TSPAN9: variants seen among roughly 807,000 people sequenced by gnomAD.
The protein encoded by TSPAN9 is tetraspanin 9.
In TSPAN9, 16 loss-of-function variants were observed where a neutral mutation model predicts 31.0. The ratio of observed to expected loss-of-function variants is 0.52; its 90% CI spans 0.35 to 0.78. TSPAN9 has a LOEUF of 0.78. TSPAN9 is among the 30% of genes least tolerant of loss of function. TSPAN9 has a pLI of 0.01. For synonymous variants in TSPAN9, 145 were observed against 121.6 expected (o/e 1.19, Z -1.27); for missense variants, 272 against 312.5 (o/e 0.87, Z 0.98).
chr12:3,223,378 A>G (rs1354807936), intron 3 of TSPAN9, among the ~76,000 whole-genome samples: 3 of 152,134 alleles, frequency 2.0e-5, no homozygotes, highest in Non-Finnish European at 4.4e-5. Context: ...TTTGACGGGA[A>G]TGGGGCTGGG....
Position 3,209,159 on chromosome 12 carries a change from C to T in TSPAN9, c.63+7903C>T, listed in dbSNP as rs189301996. Among the ~76,000 whole-genome samples the T allele has an allele frequency of 5.2e-3, 786 of 151,450 alleles. 11 individuals carry two copies. The highest frequency in any genetic ancestry group is 0.018 in the African/African-American group (749 of 41,242). On this transcript the variant is annotated intron_variant, in intron 3 of 8. Transcript: ENST00000011898. The stretch of plus-strand genomic sequence containing the variant: ...CTGAGGCAGGAGAATCGCTTGAACC[C>T]GGGAGGTGGAGGTTGCAGTGAGCCA...
At chr12:3,160,199 A>AT (rs950508717) in intron 2 of TSPAN9, among the ~76,000 whole-genome samples, 7 of 152,040 alleles carry the variant, frequency 4.6e-5, no homozygotes, top group South Asian at 2.1e-4. Flanking sequence ...ACGGGTTTTG[A>AT]TTTTTTTGTG....
intron 2 of TSPAN9, among the ~76,000 whole-genome samples, chr12:3,165,679 A>AAGC (rs1158772662): frequency 6.6e-6 from 1 of 152,120 alleles, no homozygotes; most frequent in Non-Finnish European, 1.5e-5. Flanking sequence ...CTCTGCTTGT[A>AAGC]AGCTCTCAAG....
chr12:3,135,988 G>A (rs1298432362), intron 2 of TSPAN9, among the ~76,000 whole-genome samples: 4 of 152,164 alleles, frequency 2.6e-5, no homozygotes, highest in Non-Finnish European at 5.9e-5. Context: ...TCCAGAAGCC[G>A]AGACCCAGTG....
At chr12:3,169,239 G>T (rs1323143938) in intron 2 of TSPAN9, among the ~76,000 whole-genome samples, 1 of 152,184 alleles carries the variant, frequency 6.6e-6, no homozygotes, top group Non-Finnish European at 1.5e-5. Flanking sequence ...GGGTGGGTGT[G>T]GGCAGGTTGA....
chr12:3,086,907 C>T (rs971329912), intron 2 of TSPAN9, among the ~76,000 whole-genome samples: 3 of 152,174 alleles, frequency 2.0e-5, no homozygotes, highest in Non-Finnish European at 2.9e-5. Flanking sequence ...GGAGGCACGC[C>T]GCCTCCAATC....
intron 3 of TSPAN9, among the ~76,000 whole-genome samples, chr12:3,272,592 A>G (rs574448110): frequency 1.3e-5 from 2 of 152,018 alleles, no homozygotes; most frequent in African/African-American, 2.4e-5. Flanking sequence ...CAGCAAGTCT[A>G]CACAGAAGCC....
intron 3 of TSPAN9, among the ~76,000 whole-genome samples, chr12:3,213,808 A>G (rs1378116043): frequency 6.6e-6 from 1 of 152,048 alleles, no homozygotes; most frequent in East Asian, 1.9e-4. Context: ...CTGTCTTCCC[A>G]CCTAAATGGA....
intron 2 of TSPAN9, among the ~76,000 whole-genome samples, chr12:3,169,032 A>T (rs184483922): frequency 6.6e-6 from 1 of 152,304 alleles, no homozygotes; most frequent in African/African-American, 2.4e-5. Context: ...CCCCCTGGCA[A>T]CAGTCTGCCA....
chr12:3,184,429 GAGAGAGAAAGAA>G (rs1417548473), intron 2 of TSPAN9, among the ~76,000 whole-genome samples: 1 of 151,722 alleles, frequency 6.6e-6, no homozygotes, highest in South Asian at 2.1e-4. Flanking sequence ...GAGAAAGAGA[GAGAGAGAAAGAA>G]AGAGAGAAAG....
At chr12:3,229,915 G>A (rs1004117628) in intron 3 of TSPAN9, among the ~76,000 whole-genome samples, 7 of 152,204 alleles carry the variant, frequency 4.6e-5, no homozygotes, top group East Asian at 1.9e-4. Context: ...GCCAGAGTCC[G>A]ACCTGGCTCC....
intron 2 of TSPAN9, among the ~76,000 whole-genome samples, chr12:3,103,092 C>T (rs933414): frequency 0.39 from 59,275 of 151,982 alleles, 12,474 homozygotes; most frequent in South Asian, 0.52. Context: ...TGATATAATC[C>T]CAGTCAGCGT....
At chr12:3,237,362 C>T (rs1453617281) in intron 3 of TSPAN9, among the ~76,000 whole-genome samples, 2 of 152,194 alleles carry the variant, frequency 1.3e-5, no homozygotes, top group African/African-American at 4.8e-5. Context: ...GAAATGTGAC[C>T]TGCAAAGCAT....
At chr12:3,119,734 G>T (rs1465572752) in intron 2 of TSPAN9, among the ~76,000 whole-genome samples, 3 of 152,144 alleles carry the variant, frequency 2.0e-5, no homozygotes, top group Non-Finnish European at 4.4e-5. Context: ...TGAGCCATTG[G>T]CAGGTGAGAG....
chr12:3,213,746 A>G (rs906438516), intron 3 of TSPAN9, among the ~76,000 whole-genome samples: 9 of 152,134 alleles, frequency 5.9e-5, no homozygotes, highest in African/African-American at 2.2e-4. Flanking sequence ...GGTCTTACTC[A>G]GGAGCTGTGG....
chr12:3,154,010 A>ATGTGTGTGTGTGTGTGTGTGTG (rs56928697), intron 2 of TSPAN9, among the ~76,000 whole-genome samples: 1 of 147,902 alleles, frequency 6.8e-6, no homozygotes, highest in Non-Finnish European at 1.5e-5. Context: ...TTATATATAT[A>ATGTGTGTGTGTGTGTGTGTGTG]TGTGTGTGTG....
At chr12:3,213,162 C>T (rs771490574) in intron 3 of TSPAN9, among the ~76,000 whole-genome samples, 1 of 152,148 alleles carries the variant, frequency 6.6e-6, no homozygotes, top group Non-Finnish European at 1.5e-5. Context: ...TAAAGAACGC[C>T]AGGTGGAGGA....
intron 3 of TSPAN9, among the ~76,000 whole-genome samples, chr12:3,225,645 C>T (rs143747485): frequency 0.012 from 1,897 of 152,144 alleles, 20 homozygotes; most frequent in Middle Eastern, 0.044. Flanking sequence ...TGCTTGGTTC[C>T]GGAGCTTAAG....
chr12:3,273,388 C>T (rs894709921), intron 3 of TSPAN9: 11 of 152,280 alleles, frequency 7.2e-5, no homozygotes, highest in African/African-American at 1.7e-4. Context: ...GCACCTGCTC[C>T]GGGGAGGGCA....
Sources: gnomAD v4.1 joint callset for allele counts (sites outside exome capture counted in the v4.1 genomes callset) on GRCh38, gnomAD v4.1.1 for gene constraint, MANE v1.5 for transcripts, NCBI Gene and HGNC (gene_info 2026-07-23, HGNC 2026-07-21) for gene names.